Variants in RSRC1 observed in about 807,000 individuals in gnomAD.
RSRC1 encodes arginine and serine rich coiled-coil 1.
In RSRC1, 39 loss-of-function variants were observed where a neutral mutation model predicts 49.1. The observed-to-expected ratio is 0.79, with a 90% CI of 0.61 to 1.04. RSRC1 has a LOEUF of 1.04. RSRC1 is among the 50% of genes least tolerant of loss of function. The pLI, the probability that RSRC1 is intolerant of heterozygous loss-of-function variation, is 0.00. For synonymous variants in RSRC1, 143 were observed against 130.8 expected (o/e 1.09, Z -0.63); for missense variants, 388 against 402.4 (o/e 0.96, Z 0.31).
chr3:158,499,155 G>A (rs1351182737), intron 7 of RSRC1, among the ~76,000 whole-genome samples: 2 of 152,064 alleles, frequency 1.3e-5, no homozygotes, highest in Non-Finnish European at 2.9e-5. Context: ...AGGCGGACTG[G>A]TCATGAGGTC....
intron 4 of RSRC1, among the ~76,000 whole-genome samples, chr3:158,281,773 GA>G (rs1726186912): frequency 6.6e-6 from 1 of 152,192 alleles, no homozygotes; most frequent in African/African-American, 2.4e-5. Flanking sequence ...TAACATGGGG[GA>G]ACCACTGATG....
intron 3 of RSRC1, among the ~76,000 whole-genome samples, chr3:158,161,541 C>G (rs533963915): frequency 6.6e-6 from 1 of 152,198 alleles, no homozygotes; most frequent in East Asian, 1.9e-4. Flanking sequence ...GCAGGTGGAT[C>G]GTTTGAGGTC....
At chr3:158,208,774 T>C (rs1293295017) in intron 4 of RSRC1, among the ~76,000 whole-genome samples, 2 of 152,212 alleles carry the variant, frequency 1.3e-5, no homozygotes, top group Non-Finnish European at 2.9e-5. Context: ...AACATTATTT[T>C]GTTAAACTGT....
At chr3:158,194,491 CTT>C (rs368635096) in intron 3 of RSRC1, among the ~76,000 whole-genome samples, 14 of 126,532 alleles carry the variant, frequency 1.1e-4, no homozygotes, top group Admixed American at 3.1e-4. Flanking sequence ...CTTTGAGATT[CTT>C]TTTTTTTTTT....
chr3:158,343,383 C>CA (rs938814942), intron 5 of RSRC1, among the ~76,000 whole-genome samples: 1 of 151,328 alleles, frequency 6.6e-6, no homozygotes, highest in Non-Finnish European at 1.5e-5. Flanking sequence ...CACTGACACA[C>CA]AAAAAAAATG....
intron 4 of RSRC1, among the ~76,000 whole-genome samples, chr3:158,270,506 T>G (rs1308155049): frequency 2.0e-5 from 3 of 152,206 alleles, no homozygotes; most frequent in African/African-American, 7.2e-5. Flanking sequence ...TTTTACATAT[T>G]GTAGTCATGT....
At position 158,510,545 on chromosome 3, in the gene RSRC1, A is replaced by C. The variant is rs909013149; in HGVS notation, c.653-26547A>C. Among the ~76,000 whole-genome samples the C allele has an allele frequency of 3.9e-5, 6 of 152,242 alleles. No individual in the cohort carries two copies. In the East Asian group the frequency reaches 1.2e-3, roughly 29 times the overall value. On this transcript the variant is annotated intron_variant, in intron 7 of 9. Coordinates refer to ENST00000611884, the MANE Select transcript of RSRC1 (RefSeq NM_001271838.2). ...TTTCGTGGTATATAGTAGGTGTATA[A>C]ATTTATGGGGTACATGAAATGTTCT...
chr3:158,519,298 TTTACTCTCTTAC>T, intron 7 of RSRC1, among the ~76,000 whole-genome samples: 1 of 152,244 alleles, frequency 6.6e-6, no homozygotes, highest in Middle Eastern at 3.4e-3. Flanking sequence ...AACTGGTTTC[TTTACTCTCTTAC>T]ATTAGAGTGA....
intron 5 of RSRC1, among the ~76,000 whole-genome samples, chr3:158,325,293 A>C (rs1729061614): frequency 6.6e-6 from 1 of 152,222 alleles, no homozygotes; most frequent in Non-Finnish European, 1.5e-5. Flanking sequence ...TCAGACATGA[A>C]GTACTTGCCC....
At chr3:158,265,368 T>C (rs536355998) in intron 4 of RSRC1, among the ~76,000 whole-genome samples, 20 of 152,276 alleles carry the variant, frequency 1.3e-4, no homozygotes, top group Non-Finnish European at 2.1e-4. Context: ...CAGTGGCTCA[T>C]GCCTGTAATC....
At chr3:158,461,084 G>T (rs185798293) in intron 7 of RSRC1, 81 bp downstream of exon 7, 2 of 943,750 alleles carry the variant, frequency 2.1e-6, no homozygotes, top group African/African-American at 3.4e-5. Flanking sequence ...ATAATCTAAT[G>T]CCTTAAGGGT....
chr3:158,509,347 C>A (rs1301478924), intron 7 of RSRC1, among the ~76,000 whole-genome samples: 3 of 152,156 alleles, frequency 2.0e-5, no homozygotes, highest in African/African-American at 7.2e-5. Context: ...AATATAGACA[C>A]CTGCACACAA....
rs1181558272 is a variant in RSRC1 at position 158,203,256 on chromosome 3, G to A, written c.494+11G>A. On this transcript the variant is annotated intron_variant, in intron 4 of 9. Transcript: ENST00000611884. ...TAACATCAAACGTGGGTAAGTTGGA[G>A]CAAATCTTATCTGGTAAGGACTTGG... is the stretch of plus-strand genomic sequence containing the variant. The A allele has an allele frequency of 6.4e-7, 1 of 1,564,064 alleles. No homozygotes were observed. The highest frequency in any genetic ancestry group is 8.7e-7 in the Non-Finnish European group (1 of 1,153,126).
rs1739003466 is a variant in RSRC1, at chr3:158,490,072, C to G, written c.652+29069C>G. Reference sequence around the variant, plus strand: ...CTATGAAAACCTCTTTCTTTACTACCTTCAATTGTTTTTGGTTTTGTTTTG... The same window carrying G: ...CTATGAAAACCTCTTTCTTTACTACGTTCAATTGTTTTTGGTTTTGTTTTG... On this transcript the variant is annotated intron_variant, in intron 7 of 9. Coordinates refer to ENST00000611884, the MANE Select transcript of RSRC1 (RefSeq NM_001271838.2). Among the ~76,000 whole-genome samples, 3 of 151,956 alleles carry G rather than the reference C, an allele frequency of 2.0e-5. No homozygotes were observed. The South Asian group carries it at 6.2e-4, about 32-fold the overall frequency.
chr3:158,223,591 T>TTTTTA (rs1270142878), intron 4 of RSRC1, among the ~76,000 whole-genome samples: 1 of 19,000 alleles, frequency 5.3e-5, no homozygotes. Context: ...AGCTTCCTGA[T>TTTTTA]TTTTTTTTTT....
chr3:158,180,804 C>CT (rs71144445), intron 3 of RSRC1, among the ~76,000 whole-genome samples: 59,823 of 107,386 alleles, frequency 0.56, 17,761 homozygotes, highest in East Asian at 0.71. Context: ...GGATTATATG[C>CT]TTTTTTTTTT....
intron 5 of RSRC1, among the ~76,000 whole-genome samples, chr3:158,325,663 G>A (rs1729087145): frequency 6.6e-6 from 1 of 152,174 alleles, no homozygotes; most frequent in Non-Finnish European, 1.5e-5. Flanking sequence ...CAGGTAGCAT[G>A]ATGCCTCCAG....
At chr3:158,510,342 A>G (rs1740089305) in intron 7 of RSRC1, among the ~76,000 whole-genome samples, 1 of 152,200 alleles carries the variant, frequency 6.6e-6, no homozygotes, top group East Asian at 1.9e-4. Context: ...TATTACAGAT[A>G]TCTTCTCTTA....
intron 1 of RSRC1, among the ~76,000 whole-genome samples, chr3:158,121,569 G>T (rs892660494): frequency 1.3e-5 from 2 of 151,964 alleles, no homozygotes; most frequent in African/African-American, 2.4e-5. Flanking sequence ...CTTTGTTGAT[G>T]ACTAATGAGG....
Sources: allele counts gnomAD v4.1 joint callset (sites outside exome capture counted in the v4.1 genomes callset), GRCh38; gene constraint gnomAD v4.1.1; transcripts MANE v1.5; gene names NCBI Gene and HGNC (gene_info 2026-07-23, HGNC 2026-07-21).